Variants in XKRX observed in about 807,000 individuals in gnomAD.
XKRX encodes the protein XK related X-linked, also known as XK-related protein 2.
Under a neutral mutation model 22.4 loss-of-function variants are expected in XKRX, and 11 were observed. That is an observed-to-expected ratio of 0.49 (90% CI 0.31 to 0.81). XKRX has a LOEUF of 0.81. XKRX is among the 40% of genes least tolerant of loss of function. The probability of loss-of-function intolerance (pLI) is 0.05; values close to 1 mark genes in which losing one functional copy is unlikely to be tolerated. For synonymous variants in XKRX, 114 were observed against 132.2 expected (o/e 0.86, Z 0.94); for missense variants, 320 against 336.5 (o/e 0.95, Z 0.38).
At chrX:100,888,101 C>T in the XKRX span, 23 of 1,168,621 alleles carry the variant, frequency 2.0e-5, no homozygotes, top group African/African-American at 8.8e-5. Context: ...TATGGTATTT[C>T]GGAATGACAA....
intron 2 of XKRX, among the ~76,000 whole-genome samples, chrX:100,918,635 G>A (rs2085456829): frequency 8.9e-6 from 1 of 111,806 alleles, no homozygotes; most frequent in African/African-American, 3.2e-5. Flanking sequence ...TAAACTCTCA[G>A]TGCGTCTGTT....
the XKRX span, among the ~76,000 whole-genome samples, chrX:100,945,311 G>T: frequency 4.6e-5 from 5 of 108,064 alleles, no homozygotes; most frequent in South Asian, 2.0e-3. Flanking sequence ...TAGAGACAAG[G>T]TTTTGCCATT....
chrX:100,958,583 T>A, the XKRX span, among the ~76,000 whole-genome samples: 1 of 112,070 alleles, frequency 8.9e-6, no homozygotes. Context: ...TCACTCTGAT[T>A]TGAGAAAAGA....
At chrX:100,886,940 T>C in the XKRX span, among the ~76,000 whole-genome samples, 55 of 112,515 alleles carry the variant, frequency 4.9e-4, no homozygotes, top group African/African-American at 1.7e-3. Context: ...AGAATTAAAT[T>C]GTTTATTGAT....
the XKRX span, among the ~76,000 whole-genome samples, chrX:100,896,142 T>C: frequency 1.2e-4 from 13 of 111,729 alleles, no homozygotes; most frequent in East Asian, 3.4e-3. Context: ...TAAAAAGACC[T>C]GGATTCCCTC....
chrX:100,940,977 C>G, the XKRX span, among the ~76,000 whole-genome samples: 1 of 111,832 alleles, frequency 8.9e-6, no homozygotes, highest in Non-Finnish European at 1.9e-5. Context: ...GCCTTCTTTT[C>G]TCCTATCCAC....
intron 1 of XKRX, among the ~76,000 whole-genome samples, chrX:100,925,208 G>A (rs1014039270): frequency 4.5e-5 from 5 of 111,994 alleles, no homozygotes; most frequent in Non-Finnish European, 9.4e-5. Flanking sequence ...TAAATGTTCT[G>A]TTTCTATTCT....
At chrX:100,888,632 T>C in the XKRX span, 1 of 407,270 alleles carries the variant, frequency 2.5e-6, no homozygotes, top group Non-Finnish European at 4.3e-6. Flanking sequence ...GCTTCTTTGT[T>C]GGCATCCACA....
rs755917831 is a variant in XKRX, at chrX:100,914,346, C to T, written c.1342G>A (p.Val448Ile). The change falls in exon 3 of 3, where the codon GTT becomes ATT. Residue 448 changes from valine (V) to isoleucine (I), a missense_variant. Val to Ile is a conservative substitution (Grantham distance 29). Coordinates refer to ENST00000372956, the MANE Select transcript of XKRX (RefSeq NM_212559.3). ...ATACCCAGAAAATAGAATCAGACAA[C>T]ACTTTGCCTTGCTTCAGTCTCAAAG... ...PPFETEARQS[V>I]V 15 of 1,207,145 alleles carry T rather than the reference C, an allele frequency of 1.2e-5. No individual in the cohort carries two copies. In the African/African-American group the frequency reaches 2.1e-4, roughly 17 times the overall value.
chrX:100,901,677 C>T, the XKRX span, among the ~76,000 whole-genome samples: 1 of 111,989 alleles, frequency 8.9e-6, no homozygotes, highest in Non-Finnish European at 1.9e-5. Flanking sequence ...TACATTCTGC[C>T]TAAGTGCACA....
At chrX:100,933,591 A>G (rs2085527798), upstream of XKRX, among the ~76,000 whole-genome samples, 1 of 110,830 alleles carries the variant, frequency 9.0e-6, no homozygotes, top group African/African-American at 3.3e-5. Context: ...GTTAGTTCTG[A>G]GCCACTCCCT....
the XKRX span, among the ~76,000 whole-genome samples, chrX:100,953,383 G>C: frequency 1.8e-5 from 2 of 111,658 alleles, no homozygotes. Flanking sequence ...AAAATTTTAA[G>C]ACTCTAAGAA....
chrX:100,898,597 C>CAAA, the XKRX span, among the ~76,000 whole-genome samples: 6 of 96,443 alleles, frequency 6.2e-5, no homozygotes, highest in African/African-American at 2.3e-4. Flanking sequence ...ACAACAACAA[C>CAAA]AAAAAAAAAA....
chrX:100,950,184 C>T, the XKRX span, among the ~76,000 whole-genome samples: 4 of 111,325 alleles, frequency 3.6e-5, no homozygotes, highest in Non-Finnish European at 7.5e-5. Context: ...AATAGAAAGA[C>T]TAGGGGGCTG....
chrX:100,926,971 G>C (rs145486756), intron 1 of XKRX, among the ~76,000 whole-genome samples: 1 of 111,471 alleles, frequency 9.0e-6, no homozygotes, highest in East Asian at 2.8e-4. Flanking sequence ...ATAGTTTCCA[G>C]ATGTCACATT....
the XKRX span, among the ~76,000 whole-genome samples, chrX:100,896,179 T>C: frequency 0.014 from 1,585 of 111,547 alleles, 24 homozygotes; most frequent in African/African-American, 0.05. Context: ...AATGCAAAAT[T>C]GTATAGCCCA....
chrX:100,950,891 A>G, the XKRX span, among the ~76,000 whole-genome samples: 1 of 111,743 alleles, frequency 8.9e-6, no homozygotes, highest in African/African-American at 3.2e-5. Flanking sequence ...ATGCAGCTAA[A>G]GCAGTGGTGA....
At chrX:100,940,181 T>G in the XKRX span, among the ~76,000 whole-genome samples, 1 of 111,830 alleles carries the variant, frequency 8.9e-6, no homozygotes, top group Non-Finnish European at 1.9e-5. Flanking sequence ...CCCTTTATGA[T>G]CTAATTTAAC....
At chrX:100,944,711 T>C in the XKRX span, among the ~76,000 whole-genome samples, 1 of 112,235 alleles carries the variant, frequency 8.9e-6, no homozygotes, top group Non-Finnish European at 1.9e-5. Context: ...TAGCCAAGTA[T>C]ACATGAATTT....
Sources: allele counts gnomAD v4.1 joint callset (sites outside exome capture counted in the v4.1 genomes callset), GRCh38; gene constraint gnomAD v4.1.1; transcripts MANE v1.5; gene names NCBI Gene and HGNC (gene_info 2026-07-23, HGNC 2026-07-21).